Variants in MLF1 observed in about 807,000 individuals in gnomAD.
The protein encoded by MLF1 is myelodysplasia-myeloid leukemia factor 1.
MLF1 carries 37 observed loss-of-function variants against 38.3 expected under a neutral mutation model. That is an observed-to-expected ratio of 0.96 (90% CI 0.74 to 1.27). The LOEUF (loss-of-function observed/expected upper bound fraction) is 1.27. Among genes scored for constraint, MLF1 ranks in the 50% most tolerant of loss-of-function variants. The probability of loss-of-function intolerance (pLI) is 0.00; values close to 1 mark genes in which losing one functional copy is unlikely to be tolerated. For missense variants in MLF1, 331 were observed against 349.2 expected, an observed-to-expected ratio of 0.95 and a Z score of 0.42; for synonymous variants, 95 against 106.5, an observed-to-expected ratio of 0.89 and a Z score of 0.66.
intron 1 of MLF1, among the ~76,000 whole-genome samples, chr3:158,573,665 A>G (rs982192846): frequency 6.6e-6 from 1 of 152,116 alleles, no homozygotes; most frequent in South Asian, 2.1e-4. Flanking sequence ...GCCAGTTTGA[A>G]TTTTGATTTC....
chr3:158,586,038 C>T (rs1051650664), intron 1 of MLF1, among the ~76,000 whole-genome samples: 1 of 151,928 alleles, frequency 6.6e-6, no homozygotes, highest in Non-Finnish European at 1.5e-5. Context: ...GTGGCAGGCA[C>T]CTGCAATCCC....
chr3:158,592,521 T>G lies in MLF1; in HGVS notation c.135T>G (p.Ser45=). The G allele has an allele frequency of 1.2e-6, 2 of 1,612,142 alleles. No homozygotes were observed. The highest frequency in any genetic ancestry group is 8.5e-7 in the Non-Finnish European group (1 of 1,178,976). Residue 45 remains serine, a synonymous_variant, in exon 2 of 8, where the codon TCT becomes TCG. Transcript: ENST00000466246. ...TTGGAAGAGACTTGCTCAGTATCTC[T>G]GATGGTAGAGGGAGAGCTCATAATC... ...EPFGRDLLSI[S]DGRGRAHNRR...
intron 1 of MLF1, among the ~76,000 whole-genome samples, chr3:158,591,817 T>C (rs1207247342): frequency 6.6e-6 from 1 of 150,468 alleles, no homozygotes; most frequent in African/African-American, 2.4e-5. Context: ...AGTGTTGGTA[T>C]TTTTATGCAA....
chr3:158,602,007 G>A (rs1369904321), intron 6 of MLF1, among the ~76,000 whole-genome samples: 7 of 151,730 alleles, frequency 4.6e-5, no homozygotes, highest in African/African-American at 1.5e-4. Context: ...TAGTAGAGAC[G>A]TGGTTTCACC....
In MLF1 at chr3:158,591,427, G is replaced by A. The variant is rs188259262; in HGVS notation, c.48-1007G>A. ...CACCTGACTCAGCCTCCCAAAGTGCGGGGATTACAGGCATGAGGCACCACG... is the reference window on the plus strand; with the variant it reads ...CACCTGACTCAGCCTCCCAAAGTGCAGGGATTACAGGCATGAGGCACCACG... On this transcript the variant is annotated intron_variant, in intron 1 of 7. Coordinates refer to ENST00000466246, the MANE Select transcript of MLF1 (RefSeq NM_001369783.1). 2.9e-3 allele frequency among the ~76,000 whole-genome samples: 437 copies of A among 152,038 alleles called. 4 individuals carry two copies. Among genetic ancestry groups the A allele is most frequent in the African/African-American group, 9.6e-3 (400 of 41,464 alleles).
intron 1 of MLF1, chr3:158,582,644 A>C (rs899714696): frequency 2.4e-5 from 9 of 382,776 alleles, no homozygotes; most frequent in African/African-American, 1.9e-4. Context: ...ATTATATCTG[A>C]CTTCTCTTCA....
chr3:158,604,714 A>C (rs549289538), intron 7 of MLF1, among the ~76,000 whole-genome samples: 1 of 152,120 alleles, frequency 6.6e-6, no homozygotes, highest in South Asian at 2.1e-4. Context: ...GCTGGAGTGC[A>C]GTGGCGCGAT....
chr3:158,587,766 C>T (rs980076103), intron 1 of MLF1, among the ~76,000 whole-genome samples: 5 of 152,128 alleles, frequency 3.3e-5, no homozygotes, highest in East Asian at 1.9e-4. Flanking sequence ...TTTGGGAGGC[C>T]GAGGCGGGCA....
chr3:158,571,624 TGTG>T (rs1714303500), intron 1 of MLF1, among the ~76,000 whole-genome samples: 1 of 44,414 alleles, frequency 2.3e-5, no homozygotes, highest in South Asian at 9.7e-4. Context: ...GGGCGTGAGG[TGTG>T]GGGAGGAGAG....
chr3:158,586,526 A>C (rs1158419698), intron 1 of MLF1, among the ~76,000 whole-genome samples: 2 of 152,230 alleles, frequency 1.3e-5, no homozygotes, highest in African/African-American at 4.8e-5. Flanking sequence ...AGAATCCAGG[A>C]AGGAAATAAT....
chr3:158,575,067 G>A (rs1715221767), intron 1 of MLF1, among the ~76,000 whole-genome samples: 1 of 151,948 alleles, frequency 6.6e-6, no homozygotes, highest in East Asian at 1.9e-4. Flanking sequence ...CAAGAGTCAG[G>A]GTCAGAAATA....
intron 5 of MLF1, among the ~76,000 whole-genome samples, chr3:158,599,111 G>A (rs1314331936): frequency 6.6e-6 from 1 of 151,904 alleles, no homozygotes; most frequent in South Asian, 2.1e-4. Flanking sequence ...TAACTTCTAT[G>A]TAATATCCAA....
chr3:158,590,190 T>G (rs997338807), intron 1 of MLF1, among the ~76,000 whole-genome samples: 1 of 152,166 alleles, frequency 6.6e-6, no homozygotes, highest in Non-Finnish European at 1.5e-5. Flanking sequence ...ATAACCTGAT[T>G]TTTAAAAATG....
chr3:158,584,949 G>A (rs1483093026), intron 1 of MLF1, among the ~76,000 whole-genome samples: 1 of 147,764 alleles, frequency 6.8e-6, no homozygotes, highest in Non-Finnish European at 1.5e-5. Flanking sequence ...GAGGTGGGAG[G>A]ATCATTTGAG....
intron 1 of MLF1, among the ~76,000 whole-genome samples, chr3:158,582,016 C>T (rs1716442080): frequency 6.6e-6 from 1 of 152,082 alleles, no homozygotes; most frequent in South Asian, 2.1e-4. Context: ...CCCGTCTCTA[C>T]TAAAAATACA....
intron 1 of MLF1, among the ~76,000 whole-genome samples, chr3:158,585,458 C>G (rs1230262868): frequency 6.6e-6 from 1 of 152,156 alleles, no homozygotes; most frequent in African/African-American, 2.4e-5. Context: ...CCAAATAAAC[C>G]TCTTTTCTTT....
chr3:158,604,598 G>A (rs1720255084), intron 7 of MLF1, among the ~76,000 whole-genome samples: 2 of 152,150 alleles, frequency 1.3e-5, no homozygotes, highest in Admixed American at 6.6e-5. Context: ...GAAAACAGCT[G>A]TTGCTGTCTT....
At chr3:158,578,479 T>A (rs1000291678) in intron 1 of MLF1, among the ~76,000 whole-genome samples, 3 of 151,054 alleles carry the variant, frequency 2.0e-5, no homozygotes, top group Admixed American at 1.3e-4. Flanking sequence ...AACACATGTA[T>A]GTACGTATGT....
intron 6 of MLF1, among the ~76,000 whole-genome samples, 168 bp downstream of exon 6, chr3:158,600,341 G>A (rs574309744): frequency 6.6e-6 from 1 of 151,790 alleles, no homozygotes; most frequent in East Asian, 1.9e-4. Flanking sequence ...TCATAGGAGA[G>A]CTCTTTTTTA....
Sources: allele counts gnomAD v4.1 joint callset (sites outside exome capture counted in the v4.1 genomes callset), GRCh38; gene constraint gnomAD v4.1.1; transcripts MANE v1.5; gene names NCBI Gene and HGNC (gene_info 2026-07-23, HGNC 2026-07-21).